ATP2C2: variants seen among roughly 807,000 people sequenced by gnomAD.
ATP2C2 encodes calcium-transporting ATPase type 2C member 2.
In ATP2C2, 171 loss-of-function variants were observed where a neutral mutation model predicts 110.8. That is an observed-to-expected ratio of 1.54 (90% CI 1.36 to 1.75). The LOEUF (loss-of-function observed/expected upper bound fraction) is 1.75, where lower values mean the gene tolerates loss of function less well. Ranked by LOEUF, ATP2C2 falls within the 40% of genes most tolerant of loss-of-function variation. The pLI is 0.00. For missense variants in ATP2C2, 1,963 were observed against 1,235.0 expected (o/e 1.59, Z -8.84); for synonymous variants, 804 against 508.4 (o/e 1.58, Z -7.82).
intron 10 of ATP2C2, among the ~76,000 whole-genome samples, chr16:84,424,018 A>C (rs1184554122): frequency 6.6e-6 from 1 of 152,104 alleles, no homozygotes; most frequent in Non-Finnish European, 1.5e-5. Flanking sequence ...CCTTTATTCC[A>C]GCCTTTAGGA....
chr16:84,369,539 C>T (rs1909830706), intron 1 of ATP2C2, among the ~76,000 whole-genome samples: 2 of 151,268 alleles, frequency 1.3e-5, no homozygotes, highest in South Asian at 4.2e-4. Context: ...AGCAGTCGTT[C>T]AAAAGTAACA....
intron 15 of ATP2C2, among the ~76,000 whole-genome samples, chr16:84,443,572 G>T (rs138799696): frequency 6.6e-6 from 1 of 152,148 alleles, no homozygotes; most frequent in Non-Finnish European, 1.5e-5. Flanking sequence ...ACTCCTGCCT[G>T]TTCTCACTGG....
rs547038852 is a variant in ATP2C2 at position 84,454,375 on chromosome 16, G to C, written c.1981-443G>C. On this transcript the variant is annotated intron_variant, in intron 20 of 26. Transcript: ENST00000262429. Reference sequence around the variant, plus strand: ...AGTTTGCTCTTGAGCTCTTTTAGTAGACGGGCTTTCTTCTTTCATGTTATT... The same window carrying C: ...AGTTTGCTCTTGAGCTCTTTTAGTACACGGGCTTTCTTCTTTCATGTTATT... Among the ~76,000 whole-genome samples, 4 of 152,302 alleles carry C rather than the reference G, an allele frequency of 2.6e-5. No individual in the cohort carries two copies. In the East Asian group the frequency reaches 7.7e-4, roughly 29 times the overall value.
At chr16:84,393,543 G>C (rs2151411375) in intron 1 of ATP2C2, among the ~76,000 whole-genome samples, 1 of 152,318 alleles carries the variant, frequency 6.6e-6, no homozygotes, top group South Asian at 2.1e-4. Flanking sequence ...GAAATGAAAA[G>C]ATAGAGACAG....
chr16:84,397,782 C>T (rs1011873625), intron 1 of ATP2C2, among the ~76,000 whole-genome samples: 1 of 151,282 alleles, frequency 6.6e-6, no homozygotes, highest in Non-Finnish European at 1.5e-5. Flanking sequence ...CAGTGGAATA[C>T]TAAGCTGCTG....
In ATP2C2 at chr16:84,423,270, G is replaced by GA; in HGVS notation, c.919+9dup. 3 of 1,612,976 alleles carry GA rather than the reference G, an allele frequency of 1.9e-6. No homozygotes were observed. The highest frequency in any genetic ancestry group is 2.5e-6 in the Non-Finnish European group (3 of 1,178,938). On this transcript the variant is annotated splice_region_variant and intron_variant, in intron 10 of 26. Transcript: ENST00000262429. ...TTCTCCTTTGGCATAATCGGTGAGT[G>GA]AAGCAGTTTCCATACTGGGTTTGTT...
intron 21 of ATP2C2, 137 bp from the exon 22 acceptor site, chr16:84,458,983 C>G: frequency 1.1e-6 from 1 of 906,468 alleles, no homozygotes; most frequent in Non-Finnish European, 1.7e-6. Flanking sequence ...CCCAAGAATG[C>G]CAGCAAGGGG....
At chr16:84,390,460 G>A (rs534308691) in intron 1 of ATP2C2, among the ~76,000 whole-genome samples, 1 of 152,198 alleles carries the variant, frequency 6.6e-6, no homozygotes, top group African/African-American at 2.4e-5. Flanking sequence ...TTTCCTTGGG[G>A]CTAGGGAGGC....
chr16:84,423,279 T>G lies in ATP2C2; in HGVS notation c.919+16T>G, dbSNP rs368568706. On this transcript the variant is annotated intron_variant, in intron 10 of 26. Coordinates refer to ENST00000262429, the MANE Select transcript of ATP2C2 (RefSeq NM_014861.4). ...GGCATAATCGGTGAGTGAAGCAGTT[T>G]CCATACTGGGTTTGTTCTGCAGATG... 8.1e-6 allele frequency: 13 copies of G among 1,610,920 alleles called. No individual in the cohort carries two copies. The highest frequency in any genetic ancestry group is 1.1e-5 in the Non-Finnish European group (13 of 1,177,114).
rs1905979134 is a variant in ATP2C2, at chr16:84,408,481, T to C, written c.404T>C (p.Val135Ala). ...CTCACCAAGGAGTATGAGGACGCCGTCAGCATCGCCACGGTGAGTTCCCTG... is the reference window on the plus strand; with the variant it reads ...CTCACCAAGGAGTATGAGGACGCCGCCAGCATCGCCACGGTGAGTTCCCTG... ...SVLTKEYEDA[V>A]SIATAVLVVV... Residue 135 changes from valine (V) to alanine (A), a missense_variant, in exon 4 of 27, where the codon GTC becomes GCC. Val to Ala is a moderately conservative substitution (Grantham distance 64, BLOSUM62 0). Transcript: ENST00000262429. The C allele has an allele frequency of 6.2e-7, 1 of 1,613,028 alleles. No homozygotes were observed. Among genetic ancestry groups the C allele is most frequent in the Non-Finnish European group, 8.5e-7 (1 of 1,179,906 alleles).
chr16:84,423,319 TA>T (rs1201030876), intron 10 of ATP2C2, 56 bp downstream of exon 10: 10 of 1,527,938 alleles, frequency 6.5e-6, no homozygotes, highest in South Asian at 1.1e-5. Context: ...GGAGCCATCA[TA>T]GGGGGGTTGC....
intron 11 of ATP2C2, among the ~76,000 whole-genome samples, chr16:84,433,701 C>T (rs1364753415): frequency 6.6e-6 from 1 of 151,930 alleles, no homozygotes; most frequent in African/African-American, 2.4e-5. Context: ...CACACACACA[C>T]ACACCCTCCT....
At chr16:84,460,569 C>G (rs770007900) in intron 23 of ATP2C2, 85 bp from the exon 24 acceptor site, 1 of 1,598,246 alleles carries the variant, frequency 6.3e-7, no homozygotes, top group Non-Finnish European at 8.6e-7. Context: ...CCAACTTGGC[C>G]TGGGAGGCTC....
chr16:84,423,213 G>A lies in ATP2C2; in HGVS notation c.869G>A (p.Ser290Asn), dbSNP rs1907511152. The change falls in exon 10 of 27, where the codon AGC becomes AAC. Residue 290 changes from serine to asparagine, a missense_variant. By Grantham distance (46) the Ser-to-Asn change is conservative. Transcript: ENST00000262429. ...ACACCTAAAACTCCTTTGCAGAAAAGCATGGACAGGCTAGGAAAGCAACTG... is the reference window on the plus strand; with the variant it reads ...ACACCTAAAACTCCTTTGCAGAAAAACATGGACAGGCTAGGAAAGCAACTG... Reference protein sequence around the residue: ...EETPKTPLQKSMDRLGKQLTL... With the variant: ...EETPKTPLQKNMDRLGKQLTL... 1.1e-5 allele frequency: 18 copies of A among 1,614,138 alleles called. No individual in the cohort carries two copies. The highest frequency in any genetic ancestry group is 1.5e-5 in the Non-Finnish European group (18 of 1,180,014).
chr16:84,454,554 C>T (rs1397091219), intron 20 of ATP2C2, among the ~76,000 whole-genome samples: 1 of 152,174 alleles, frequency 6.6e-6, no homozygotes, highest in Admixed American at 6.5e-5. Context: ...CCGTGCTGGG[C>T]ACCGTCACAT....
chr16:84,452,183 G>C, intron 18 of ATP2C2, 92 bp downstream of exon 18: 2 of 1,492,792 alleles, frequency 1.3e-6, no homozygotes, highest in African/African-American at 1.4e-5. Context: ...CCGCAAACTC[G>C]GTCAGGAGTG....
Position 84,385,571 on chromosome 16 carries a change from G to T in ATP2C2, c.100-12928G>T, listed in dbSNP as rs187796387. Among the ~76,000 whole-genome samples the T allele has an allele frequency of 3.6e-3, 552 of 152,304 alleles. 4 individuals carry two copies. Among genetic ancestry groups the T allele is most frequent in the South Asian group, 8.7e-3 (42 of 4,818 alleles). ...GTAGGAATGCAAGGACTCTGTATTA[G>T]TCCACTCTCATGCTGCTATGAAGAA... On this transcript the variant is annotated intron_variant, in intron 1 of 26. Coordinates refer to ENST00000262429, the MANE Select transcript of ATP2C2 (RefSeq NM_014861.4).
At position 84,413,407 on chromosome 16, in the gene ATP2C2, T is replaced by C. The variant is rs571439931; in HGVS notation, c.516-2076T>C. Among the ~76,000 whole-genome samples the C allele has an allele frequency of 3.3e-5, 5 of 152,058 alleles. No homozygotes were observed. The East Asian group carries it at 9.7e-4, about 29-fold the overall frequency. On this transcript the variant is annotated intron_variant, in intron 6 of 26. Coordinates refer to ENST00000262429, the MANE Select transcript of ATP2C2 (RefSeq NM_014861.4). The stretch of plus-strand genomic sequence containing the variant: ...GGACCAAATAGGGACAAGAAGAGGA[T>C]GATACAGAATTGACCCACATCACAG...
chr16:84,430,639 CAAAA>C (rs566290549), intron 11 of ATP2C2, among the ~76,000 whole-genome samples: 267 of 123,572 alleles, frequency 2.2e-3, no homozygotes, highest in African/African-American at 5.2e-3. Context: ...GACACCATCT[CAAAA>C]AAAAAAAAAA....
Sources: allele counts gnomAD v4.1 joint callset (sites outside exome capture counted in the v4.1 genomes callset), GRCh38; gene constraint gnomAD v4.1.1; transcripts MANE v1.5; gene names NCBI Gene and HGNC (gene_info 2026-07-23, HGNC 2026-07-21).